Variants in TM9SF3 observed in about 807,000 individuals in gnomAD.
TM9SF3 encodes the protein transmembrane 9 superfamily member 3.
TM9SF3 carries 14 observed loss-of-function variants against 78.6 expected under a neutral mutation model. That is an observed-to-expected ratio of 0.18 (90% CI 0.12 to 0.28). The LOEUF is 0.28. Among genes scored for constraint, TM9SF3 ranks in the 10% least tolerant of loss-of-function variants. The pLI is 1.00. For synonymous variants in TM9SF3, 231 were observed against 241.7 expected, an observed-to-expected ratio of 0.96 and a Z score of 0.41; for missense variants, 496 against 721.9, an observed-to-expected ratio of 0.69 and a Z score of 3.59.
At chr10:96,535,908 G>T (rs1409936920) in intron 9 of TM9SF3, among the ~76,000 whole-genome samples, 3 of 152,130 alleles carry the variant, frequency 2.0e-5, no homozygotes, top group African/African-American at 7.2e-5. Context: ...AAACTTAGAT[G>T]TAAAAACAAA....
intron 9 of TM9SF3, among the ~76,000 whole-genome samples, chr10:96,536,879 C>T (rs1388879811): frequency 6.6e-6 from 1 of 152,172 alleles, no homozygotes; most frequent in African/African-American, 2.4e-5. Flanking sequence ...GCACTACAGC[C>T]TCAACTCCTG....
chr10:96,559,550 C>A (rs1325310316), intron 5 of TM9SF3, 109 bp downstream of exon 5: 7 of 669,216 alleles, frequency 1.0e-5, no homozygotes, highest in Non-Finnish European at 1.6e-5. Context: ...TTAGCTAAAT[C>A]TTTTAATCCA....
In TM9SF3 at chr10:96,544,220, A is replaced by G. The variant is rs771177245; in HGVS notation, c.1055-14T>C. 3.2e-6 allele frequency: 5 copies of G among 1,555,534 alleles called. No homozygotes were observed. Among genetic ancestry groups the G allele is most frequent in the East Asian group, 4.5e-5 (2 of 44,130 alleles). On this transcript the variant is annotated splice_polypyrimidine_tract_variant and intron_variant, in intron 8 of 14. Coordinates refer to ENST00000371142, the MANE Select transcript of TM9SF3 (RefSeq NM_020123.4). ...TCCATCTCCTTCCTGAAAAGAAAGG[A>G]AACTATGAAAGTTTAATATAATTAT... is the stretch of plus-strand genomic sequence containing the variant.
Position 96,527,426 on chromosome 10 carries a change from A to G in TM9SF3, c.1612T>C (p.Phe538Leu). The G allele has an allele frequency of 6.2e-7, 1 of 1,607,848 alleles. No homozygotes were observed. Among genetic ancestry groups the G allele is most frequent in the Non-Finnish European group, 8.5e-7 (1 of 1,177,480 alleles). The change falls in exon 13 of 15, where the codon TTT becomes CTT. Residue 538 changes from phenylalanine to leucine, a missense_variant. By Grantham distance (22) the Phe-to-Leu change is conservative (BLOSUM62 0). This residue lies in a region of TM9SF3 where 280 missense variants were observed against 422.6 expected (regional missense o/e 0.66). Transcript: ENST00000371142. The part of the protein sequence containing the change: ...YVYMYSFYYY[F>L]FKTKMYGLFQ... ...GTCTCCACTTACTTTGTTTTGAAAA[A>G]ATAGTAGTAAAAGGAATACATGTAA...
chr10:96,528,210 G>C, intron 11 of TM9SF3, 33 bp from the exon 12 acceptor site: 2 of 1,582,114 alleles, frequency 1.3e-6, no homozygotes, highest in Non-Finnish European at 1.7e-6. Flanking sequence ...CAGGTTTCCA[G>C]TCTTTATTCT....
intron 11 of TM9SF3, 86 bp from the exon 12 acceptor site, chr10:96,528,263 C>T: frequency 7.5e-7 from 1 of 1,336,690 alleles, no homozygotes; most frequent in Non-Finnish European, 9.9e-7. Context: ...TTTTAGTTCT[C>T]ATTTTTTTCT....
intron 14 of TM9SF3, among the ~76,000 whole-genome samples, chr10:96,524,920 G>A (rs941466282): frequency 6.6e-6 from 1 of 151,876 alleles, no homozygotes; most frequent in African/African-American, 2.4e-5. Context: ...ATAAATGCTG[G>A]GACATTGCCA....
chr10:96,520,841 C>A lies in TM9SF3; in HGVS notation c.*1422G>T. The A allele has an allele frequency of 2.5e-6, 1 of 396,616 alleles. No individual in the cohort carries two copies. The highest frequency in any genetic ancestry group is 4.5e-6 in the Non-Finnish European group (1 of 224,474). 24.6% of individuals were successfully genotyped at this position (396,616 alleles called of 1,614,324 possible). On this transcript the variant is annotated 3_prime_UTR_variant, in exon 15 of 15. Transcript: ENST00000371142. ...TTGTGCTGGATAATCTAGATGTAAG[C>A]AAGTCTGGAGATTTTAAAATACGGG... is the stretch of plus-strand genomic sequence containing the variant.
At chr10:96,581,518 T>C (rs1848569263) in intron 1 of TM9SF3, among the ~76,000 whole-genome samples, 1 of 152,240 alleles carries the variant, frequency 6.6e-6, no homozygotes, top group Admixed American at 6.5e-5. Context: ...TAATTTTGAA[T>C]AGTCTCTTGA....
chr10:96,545,870 CAA>C (rs1249169701), intron 8 of TM9SF3, among the ~76,000 whole-genome samples: 2 of 150,698 alleles, frequency 1.3e-5, no homozygotes, highest in African/African-American at 2.4e-5. Context: ...GCCTGGGAGA[CAA>C]GAGCGAAACT....
intron 8 of TM9SF3, among the ~76,000 whole-genome samples, chr10:96,545,617 T>A (rs1466818799): frequency 6.6e-6 from 1 of 152,202 alleles, no homozygotes; most frequent in Non-Finnish European, 1.5e-5. Context: ...TGGCCGGGCG[T>A]GGTGGCTCAT....
intron 5 of TM9SF3, among the ~76,000 whole-genome samples, chr10:96,554,297 G>A (rs1054892760): frequency 2.5e-4 from 38 of 151,746 alleles, no homozygotes; most frequent in Non-Finnish European, 4.4e-5. Flanking sequence ...CTCACCTCCC[G>A]ATCCTTTCAA....
At chr10:96,560,378 T>C in intron 4 of TM9SF3, 1 of 738,126 alleles carries the variant, frequency 1.4e-6, no homozygotes, top group South Asian at 1.3e-5. Context: ...GCAGAGGCAA[T>C]GAATTATGAA....
chr10:96,574,197 A>C (rs542815485), intron 2 of TM9SF3, among the ~76,000 whole-genome samples: 1 of 152,346 alleles, frequency 6.6e-6, no homozygotes, highest in East Asian at 1.9e-4. Flanking sequence ...TAATATCCAG[A>C]ATCTACAAAG....
intron 9 of TM9SF3, among the ~76,000 whole-genome samples, chr10:96,543,277 A>T (rs551915803): frequency 4.8e-4 from 73 of 152,292 alleles, no homozygotes; most frequent in African/African-American, 1.8e-3. Flanking sequence ...GATTACAGGT[A>T]AGATATGCAA....
chr10:96,537,043 A>G (rs1324935844), intron 9 of TM9SF3, among the ~76,000 whole-genome samples: 1 of 152,232 alleles, frequency 6.6e-6, no homozygotes, highest in East Asian at 1.9e-4. Flanking sequence ...TATACAAAAT[A>G]TGTGATCATC....
chr10:96,572,627 C>T (rs368556708), intron 2 of TM9SF3, among the ~76,000 whole-genome samples: 11 of 151,026 alleles, frequency 7.3e-5, no homozygotes, highest in Non-Finnish European at 1.3e-4. Flanking sequence ...CCTGGGTTCA[C>T]GCCATTCTCC....
intron 1 of TM9SF3, chr10:96,577,608 T>A (rs1032598052): frequency 6.6e-6 from 1 of 152,194 alleles, no homozygotes; most frequent in African/African-American, 2.4e-5. Flanking sequence ...CTGATTACCA[T>A]GGTAATTTTA....
intron 9 of TM9SF3, among the ~76,000 whole-genome samples, chr10:96,536,863 C>T (rs1456897049): frequency 1.3e-5 from 2 of 152,206 alleles, no homozygotes; most frequent in Non-Finnish European, 2.9e-5. Context: ...CAGGCACGAT[C>T]ATAGAGCACT....
Sources: gnomAD v4.1 joint callset for allele counts (sites outside exome capture counted in the v4.1 genomes callset) on GRCh38, gnomAD v4.1.1 for gene constraint, gnomAD v4.1.1 regional missense constraint, MANE v1.5 for transcripts, NCBI Gene and HGNC (gene_info 2026-07-23, HGNC 2026-07-21) for gene names.